Variants in UGT1A9 observed in about 807,000 individuals in gnomAD.
The protein encoded by UGT1A9 is UDP-glucuronosyltransferase 1A9.
Under a neutral mutation model 45.0 loss-of-function variants are expected in UGT1A9, and 35 were observed. That is an observed-to-expected ratio of 0.78 (90% CI 0.59 to 1.03). The LOEUF is 1.03. UGT1A9 is among the 50% of genes least tolerant of loss of function. UGT1A9 has a pLI of 0.00. For missense variants in UGT1A9, 687 were observed against 666.6 expected, an observed-to-expected ratio of 1.03 and a Z score of -0.34; for synonymous variants, 278 against 250.6, an observed-to-expected ratio of 1.11 and a Z score of -1.03.
intron 1 of UGT1A9, among the ~76,000 whole-genome samples, chr2:233,710,005 G>C (rs1294039460): frequency 6.6e-6 from 1 of 152,198 alleles, no homozygotes; most frequent in African/African-American, 2.4e-5. Context: ...ATACAATTAT[G>C]AATGAAAAAC....
At chr2:233,766,995 T>C in intron 1 of UGT1A9, 39 bp from the exon 2 acceptor site, 2 of 1,613,538 alleles carry the variant, frequency 1.2e-6, no homozygotes, top group Admixed American at 1.7e-5. Context: ...TCAAAGAATA[T>C]GAGAAAAAAT....
At chr2:233,713,173 T>C (rs28898602) in intron 1 of UGT1A9, 5 of 1,614,232 alleles carry the variant, frequency 3.1e-6, no homozygotes, top group Non-Finnish European at 4.2e-6. Context: ...GTGGTGGTCC[T>C]CACCCTGGAG....
At chr2:233,728,231 G>A (rs1452925850) in intron 1 of UGT1A9, among the ~76,000 whole-genome samples, 2 of 152,110 alleles carry the variant, frequency 1.3e-5, no homozygotes, top group Admixed American at 6.5e-5. Context: ...TAATCTTCAG[G>A]ATGAAATAAA....
At chr2:233,716,025 T>C (rs1312533975) in intron 1 of UGT1A9, among the ~76,000 whole-genome samples, 1 of 152,226 alleles carries the variant, frequency 6.6e-6, no homozygotes, top group African/African-American at 2.4e-5. Flanking sequence ...ATAGTTTCTT[T>C]TGATGTCAGC....
chr2:233,710,037 T>C (rs1170138686), intron 1 of UGT1A9, among the ~76,000 whole-genome samples: 1 of 152,272 alleles, frequency 6.6e-6, no homozygotes, highest in Non-Finnish European at 1.5e-5. Context: ...CTGTTTTGTG[T>C]CTGGCCTCTT....
At position 233,767,071 on chromosome 2, in the gene UGT1A9, G is replaced by A. The variant is rs1451220464; in HGVS notation, c.893G>A (p.Gly298Glu). The A allele has an allele frequency of 2.3e-5, 37 of 1,614,098 alleles. No individual in the cohort carries two copies. The highest frequency in any genetic ancestry group is 3.1e-5 in the Non-Finnish European group (37 of 1,180,012). ...EAYINASGEHGIVVFSLGSMV... is the reference protein window; with the variant it reads ...EAYINASGEHEIVVFSLGSMV... Reference sequence around the variant, plus strand: ...TACATTAATGCTTCTGGAGAACATGGAATTGTGGTTTTCTCTTTGGGATCA... The same window carrying A: ...TACATTAATGCTTCTGGAGAACATGAAATTGTGGTTTTCTCTTTGGGATCA... The change falls in exon 2 of 5, where the codon GGA becomes GAA. Residue 298 changes from glycine to glutamate, a missense_variant. Transcript: ENST00000354728.
chr2:233,746,338 A>G (rs1693368906), intron 1 of UGT1A9, among the ~76,000 whole-genome samples: 1 of 151,758 alleles, frequency 6.6e-6, no homozygotes, highest in South Asian at 2.1e-4. Flanking sequence ...GGCAATGGAC[A>G]TGTTTATGTT....
chr2:233,742,230 A>T (rs1158826164), intron 1 of UGT1A9, among the ~76,000 whole-genome samples: 2 of 151,434 alleles, frequency 1.3e-5, no homozygotes, highest in African/African-American at 2.4e-5. Flanking sequence ...GAGAGCCCCA[A>T]ACAGAGATTT....
chr2:233,746,054 T>C (rs1380596465), intron 1 of UGT1A9, among the ~76,000 whole-genome samples: 1 of 151,656 alleles, frequency 6.6e-6, no homozygotes, highest in Non-Finnish European at 1.5e-5. Flanking sequence ...ATGCAGGGTC[T>C]AGAACGAAAA....
chr2:233,691,641 G>A (rs570719818), intron 1 of UGT1A9: 1 of 985,540 alleles, frequency 1.0e-6, no homozygotes, highest in South Asian at 4.7e-5. Flanking sequence ...AGCAGGCAGG[G>A]CCAGTGTGAC....
intron 1 of UGT1A9, chr2:233,760,452 T>A (rs1697451536): frequency 6.2e-7 from 1 of 1,614,194 alleles, no homozygotes; most frequent in Non-Finnish European, 8.5e-7. Flanking sequence ...AGAGGGGACA[T>A]GAAATAGTTG....
chr2:233,751,941 T>C (rs1479720548), intron 1 of UGT1A9, among the ~76,000 whole-genome samples: 1 of 152,170 alleles, frequency 6.6e-6, no homozygotes, highest in South Asian at 2.1e-4. Context: ...GAAGTTATAC[T>C]GAAAGGGTTT....
At chr2:233,726,314 C>T (rs1182823767) in intron 1 of UGT1A9, among the ~76,000 whole-genome samples, 1 of 152,162 alleles carries the variant, frequency 6.6e-6, no homozygotes, top group Non-Finnish European at 1.5e-5. Context: ...GATCATTGAG[C>T]TCAGGAGTTT....
At position 233,672,397 on chromosome 2, in the gene UGT1A9, T is replaced by G; in HGVS notation, c.463T>G (p.Leu155Val). 1 of 1,614,106 alleles carries G rather than the reference T, an allele frequency of 6.2e-7. No individual in the cohort carries two copies. The highest frequency in any genetic ancestry group is 8.5e-7 in the Non-Finnish European group (1 of 1,179,984). Reference protein sequence around the residue: ...VFLDPFDNCGLIVAKYFSLPS... With the variant: ...VFLDPFDNCGVIVAKYFSLPS... Reference sequence around the variant, plus strand: ...TCTCGATCCTTTTGATAACTGTGGCTTAATTGTTGCCAAATATTTCTCCCT... The same window carrying G: ...TCTCGATCCTTTTGATAACTGTGGCGTAATTGTTGCCAAATATTTCTCCCT... Residue 155 changes from leucine (L) to valine (V), a missense_variant, in exon 1 of 5, where the codon TTA becomes GTA. Transcript: ENST00000354728.
intron 1 of UGT1A9, among the ~76,000 whole-genome samples, chr2:233,674,437 G>C (rs1346114422): frequency 6.6e-6 from 1 of 152,066 alleles, no homozygotes; most frequent in Non-Finnish European, 1.5e-5. Context: ...CACCACTTAT[G>C]TGTTGCCTGC....
rs1194232610 is a variant in UGT1A9 at position 233,672,699 on chromosome 2, G to A, written c.765G>A (p.Thr255=). The part of the protein sequence containing the change: ...YSHTSIWLLR[T]DFVLDYPKPV... ...ACACATCAATTTGGTTGTTGCGAAC[G>A]GACTTTGTTTTGGACTATCCCAAAC... The change falls in exon 1 of 5, where the codon ACG becomes ACA. Residue 255 remains threonine, a synonymous_variant. Transcript: ENST00000354728. 31 of 1,613,880 alleles carry A rather than the reference G, an allele frequency of 1.9e-5. No individual in the cohort carries two copies. The highest frequency in any genetic ancestry group is 5.0e-5 in the Admixed American group (3 of 59,998).
At chr2:233,717,512 A>G (rs2076582211) in intron 1 of UGT1A9, among the ~76,000 whole-genome samples, 1 of 152,150 alleles carries the variant, frequency 6.6e-6, no homozygotes, top group Non-Finnish European at 1.5e-5. Flanking sequence ...TTCTAATGGG[A>G]GTAACTTCCT....
At chr2:233,715,843 A>G (rs1265547355) in intron 1 of UGT1A9, among the ~76,000 whole-genome samples, 1 of 152,196 alleles carries the variant, frequency 6.6e-6, no homozygotes, top group Non-Finnish European at 1.5e-5. Context: ...TAAAACTCCA[A>G]TATGAAAAGC....
At chr2:233,687,583 TAAAAAAA>T (rs71398794) in intron 1 of UGT1A9, among the ~76,000 whole-genome samples, 8 of 107,466 alleles carry the variant, frequency 7.4e-5, no homozygotes, top group Non-Finnish European at 1.1e-4. Flanking sequence ...ACATTCTTTG[TAAAAAAA>T]AAAAAAAAAA....
Sources: allele counts gnomAD v4.1 joint callset (sites outside exome capture counted in the v4.1 genomes callset), GRCh38; gene constraint gnomAD v4.1.1; transcripts MANE v1.5; gene names NCBI Gene and HGNC (gene_info 2026-07-23, HGNC 2026-07-21).